Variants in SUSD6 observed in about 807,000 individuals in gnomAD.
The protein encoded by SUSD6 is sushi domain containing 6.
In SUSD6, 16 loss-of-function variants were observed where a neutral mutation model predicts 28.4. The observed-to-expected ratio is 0.56, with a 90% CI of 0.38 to 0.86. The LOEUF (loss-of-function observed/expected upper bound fraction) is 0.86, where lower values mean the gene tolerates loss of function less well. SUSD6 is among the 40% of genes least tolerant of loss of function. The pLI is 0.00. For missense variants in SUSD6, 341 were observed against 384.2 expected (o/e 0.89, Z 0.94); for synonymous variants, 147 against 159.6 (o/e 0.92, Z 0.59).
At chr14:69,692,541 G>A (rs143912054) in intron 2 of SUSD6, among the ~76,000 whole-genome samples, 6 of 152,194 alleles carry the variant, frequency 3.9e-5, no homozygotes, top group African/African-American at 1.4e-4. Flanking sequence ...AATTTAATAG[G>A]ATAACACTTT....
intron 2 of SUSD6, among the ~76,000 whole-genome samples, chr14:69,701,536 G>A (rs577272240): frequency 1.2e-4 from 19 of 152,322 alleles, no homozygotes; most frequent in African/African-American, 4.3e-4. Flanking sequence ...AAGTGTAAAG[G>A]CTAAAGCAGT....
chr14:69,619,513 C>T (rs1050021435), intron 1 of SUSD6, among the ~76,000 whole-genome samples: 1 of 151,720 alleles, frequency 6.6e-6, no homozygotes, highest in East Asian at 1.9e-4. Context: ...GTAATCCCAG[C>T]ACTTTGGGAG....
chr14:69,695,976 A>T (rs1433883575), intron 2 of SUSD6, among the ~76,000 whole-genome samples: 1 of 152,288 alleles, frequency 6.6e-6, no homozygotes, highest in East Asian at 1.9e-4. Context: ...CTTTAGGGGA[A>T]TCACCTCCCC....
intron 5 of SUSD6, among the ~76,000 whole-genome samples, chr14:69,709,644 A>G (rs931862961): frequency 1.3e-5 from 2 of 152,248 alleles, no homozygotes; most frequent in African/African-American, 4.8e-5. Flanking sequence ...TAAGGCTCAC[A>G]GAAGGTAAGT....
intron 1 of SUSD6, among the ~76,000 whole-genome samples, chr14:69,623,155 G>C (rs1361861565): frequency 1.3e-5 from 2 of 152,166 alleles, no homozygotes; most frequent in Non-Finnish European, 2.9e-5. Context: ...GATAGCAACA[G>C]CCCCTTTTTG....
intron 2 of SUSD6, among the ~76,000 whole-genome samples, chr14:69,697,437 C>T (rs1244453145): frequency 3.9e-5 from 6 of 152,088 alleles, no homozygotes; most frequent in Non-Finnish European, 5.9e-5. Context: ...CATTCAGATG[C>T]CTCTTATATA....
At chr14:69,639,009 G>A (rs145155689) in intron 1 of SUSD6, among the ~76,000 whole-genome samples, 71 of 152,244 alleles carry the variant, frequency 4.7e-4, no homozygotes, top group Middle Eastern at 6.8e-3. Context: ...GTCCTTGCCC[G>A]TTTCTCTTTG....
At chr14:69,684,416 G>A (rs1158890523) in intron 2 of SUSD6, among the ~76,000 whole-genome samples, 1 of 152,106 alleles carries the variant, frequency 6.6e-6, no homozygotes, top group Non-Finnish European at 1.5e-5. Flanking sequence ...ATGGAAATTG[G>A]GAAAATATTT....
At chr14:69,648,068 G>C (rs1054884057) in intron 1 of SUSD6, among the ~76,000 whole-genome samples, 2 of 152,176 alleles carry the variant, frequency 1.3e-5, no homozygotes, top group Non-Finnish European at 2.9e-5. Flanking sequence ...TGCATTTTCA[G>C]ATGATGATGA....
chr14:69,677,069 A>G (rs1356749830), intron 2 of SUSD6, among the ~76,000 whole-genome samples: 1 of 152,210 alleles, frequency 6.6e-6, no homozygotes, highest in Non-Finnish European at 1.5e-5. Context: ...GAAGAGGACT[A>G]AGAGTGTTTA....
intron 2 of SUSD6, among the ~76,000 whole-genome samples, chr14:69,660,124 G>A (rs1368079123): frequency 6.6e-6 from 1 of 152,084 alleles, no homozygotes; most frequent in Non-Finnish European, 1.5e-5. Context: ...ACTTTGGTGG[G>A]GACAGTAGGG....
At chr14:69,626,758 T>C (rs1241381270) in intron 1 of SUSD6, among the ~76,000 whole-genome samples, 1 of 151,960 alleles carries the variant, frequency 6.6e-6, no homozygotes, top group Non-Finnish European at 1.5e-5. Context: ...TAGCTCACTA[T>C]AGCTTCGAAC....
Position 69,703,416 on chromosome 14 carries a change from C to T in SUSD6, c.143C>T (p.Pro48Leu). Residue 48 changes from proline to leucine, a missense_variant, in exon 3 of 6, where the codon CCA (proline) becomes CTA (leucine). Coordinates refer to ENST00000342745, the MANE Select transcript of SUSD6 (RefSeq NM_014734.4). ...GCAGTGTGCCCCCTACCACCGGAGC[C>T]AGAGAATGGTGGCTACATCTGCCAC... The part of the protein sequence containing the change: ...LASVCPLPPE[P>L]ENGGYICHPR... 6.2e-7 allele frequency: 1 copy of T among 1,613,984 alleles called. No homozygotes were observed. The highest frequency in any genetic ancestry group is 1.7e-5 in the Admixed American group (1 of 60,026).
rs1019595916 is a variant in SUSD6 at position 69,715,075 on chromosome 14, T to C, written c.*4096T>C. 6.6e-6 allele frequency: 1 copy of C among 152,156 alleles called. No homozygotes were observed. Among genetic ancestry groups the C allele is most frequent in the African/African-American group, 2.4e-5 (1 of 41,452 alleles). 9.4% of individuals were successfully genotyped at this position (152,156 alleles called of 1,614,324 possible). A position where few individuals can be genotyped will look rare whatever the true frequency, so the allele number is the denominator to read the frequency against. On this transcript the variant is annotated 3_prime_UTR_variant, in exon 6 of 6. Transcript: ENST00000342745. The stretch of plus-strand genomic sequence containing the variant: ...ATTTTAATATTTGTACAAAGTTTAA[T>C]TTAATTTTAATTGTTCTATGTATAT...
At chr14:69,640,359 G>A (rs1367298513) in intron 1 of SUSD6, among the ~76,000 whole-genome samples, 1 of 151,856 alleles carries the variant, frequency 6.6e-6, no homozygotes, top group Non-Finnish European at 1.5e-5. Flanking sequence ...TTGGAGACAA[G>A]ATCTTACTCT....
intron 2 of SUSD6, among the ~76,000 whole-genome samples, chr14:69,659,931 T>A (rs1885638394): frequency 6.6e-6 from 1 of 152,238 alleles, no homozygotes; most frequent in Non-Finnish European, 1.5e-5. Context: ...AGGACATGTT[T>A]GGGTGTGTAC....
intron 1 of SUSD6, among the ~76,000 whole-genome samples, chr14:69,636,740 C>T (rs558190376): frequency 2.0e-5 from 3 of 152,278 alleles, no homozygotes; most frequent in Admixed American, 6.5e-5. Context: ...GAGGCCTGGA[C>T]GAGAGCTATT....
intron 1 of SUSD6, among the ~76,000 whole-genome samples, chr14:69,614,077 A>AT (rs1398940694): frequency 1.3e-5 from 2 of 151,554 alleles, no homozygotes; most frequent in African/African-American, 2.4e-5. Flanking sequence ...TTTATTTTTT[A>AT]TTTTTTTTGA....
intron 1 of SUSD6, among the ~76,000 whole-genome samples, chr14:69,620,581 G>T (rs1413600287): frequency 6.6e-6 from 1 of 152,194 alleles, no homozygotes; most frequent in African/African-American, 2.4e-5. Flanking sequence ...TAGACTTTCA[G>T]CTTGATTGTT....
Sources: gnomAD v4.1 joint callset for allele counts (sites outside exome capture counted in the v4.1 genomes callset) on GRCh38, gnomAD v4.1.1 for gene constraint, MANE v1.5 for transcripts, NCBI Gene and HGNC (gene_info 2026-07-23, HGNC 2026-07-21) for gene names.